The following NETO2 variants were observed in gnomAD, a reference collection of about 807,000 sequenced individuals.
NETO2 encodes neuropilin and tolloid like 2.
In NETO2, 28 loss-of-function variants were observed where a neutral mutation model predicts 62.5. The observed-to-expected ratio is 0.45, with a 90% CI of 0.33 to 0.61. NETO2 has a LOEUF of 0.61. NETO2 is among the 20% of genes least tolerant of loss of function. The pLI is 0.02. For missense variants in NETO2, 548 were observed against 643.2 expected (o/e 0.85, Z 1.60); for synonymous variants, 214 against 219.1 (o/e 0.98, Z 0.21).
At chr16:47,089,035 G>C (rs757482587) in intron 7 of NETO2, among the ~76,000 whole-genome samples, 31 of 152,198 alleles carry the variant, frequency 2.0e-4, no homozygotes, top group African/African-American at 9.7e-5. Context: ...CAGTACAACA[G>C]GTTAAAAATC....
intron 4 of NETO2, among the ~76,000 whole-genome samples, chr16:47,126,590 C>T (rs1964161823): frequency 1.3e-5 from 2 of 152,104 alleles, no homozygotes; most frequent in Admixed American, 1.3e-4. Context: ...ACAGAGCACA[C>T]CCTACTGCGA....
intron 1 of NETO2, among the ~76,000 whole-genome samples, chr16:47,142,969 G>A (rs1964491114): frequency 6.6e-6 from 1 of 151,768 alleles, no homozygotes; most frequent in Non-Finnish European, 1.5e-5. Flanking sequence ...CTCCCCGGGG[G>A]CCGGGACAAG....
chr16:47,091,219 A>T (rs540473429), intron 7 of NETO2, among the ~76,000 whole-genome samples: 1 of 152,332 alleles, frequency 6.6e-6, no homozygotes, highest in African/African-American at 2.4e-5. Flanking sequence ...TAATAAAGCT[A>T]AATTTGGGAT....
At chr16:47,117,633 C>T (rs1963949164) in intron 6 of NETO2, among the ~76,000 whole-genome samples, 1 of 152,142 alleles carries the variant, frequency 6.6e-6, no homozygotes, top group Non-Finnish European at 1.5e-5. Flanking sequence ...TCCTATTGAG[C>T]TCATACAGTG....
rs1963057473 is a variant in NETO2 at position 47,081,379 on chromosome 16, G to A, written c.*1842C>T. ...GTTCATTGAATATTATATGCATCAAGTCTTTTCATGTTTCCACGTTATATT... is the reference window on the plus strand; with the variant it reads ...GTTCATTGAATATTATATGCATCAAATCTTTTCATGTTTCCACGTTATATT... On this transcript the variant is annotated 3_prime_UTR_variant, in exon 9 of 9. Coordinates refer to ENST00000562435, the MANE Select transcript of NETO2 (RefSeq NM_018092.5). 1 of 152,026 alleles carries A rather than the reference G, an allele frequency of 6.6e-6. No individual in the cohort carries two copies. The highest frequency in any genetic ancestry group is 2.1e-4 in the South Asian group (1 of 4,836). 9.4% of individuals were successfully genotyped at this position (152,026 alleles called of 1,614,324 possible). A position where few individuals can be genotyped will look rare whatever the true frequency, so the allele number is the denominator to read the frequency against.
chr16:47,098,362 T>C lies in NETO2; in HGVS notation c.883+11121A>G, dbSNP rs560295500. Among the ~76,000 whole-genome samples the C allele has an allele frequency of 1.2e-4, 19 of 152,054 alleles. No individual in the cohort carries two copies. The South Asian group carries it at 1.7e-3, about 13-fold the overall frequency. On this transcript the variant is annotated intron_variant, in intron 7 of 8. Coordinates refer to ENST00000562435, the MANE Select transcript of NETO2 (RefSeq NM_018092.5). Reference sequence around the variant, plus strand: ...CCTGATGGAGCTGAAAAACACAGCATGAGAACTTCGTGAAGCATATGTAAG... The same window carrying C: ...CCTGATGGAGCTGAAAAACACAGCACGAGAACTTCGTGAAGCATATGTAAG...
At chr16:47,130,439 T>TATAA (rs1003338108) in intron 2 of NETO2, among the ~76,000 whole-genome samples, 15 of 150,614 alleles carry the variant, frequency 1.0e-4, no homozygotes, top group African/African-American at 1.2e-4. Flanking sequence ...AAATCTCTAA[T>TATAA]ATAAATAAAT....
intron 7 of NETO2, among the ~76,000 whole-genome samples, chr16:47,088,500 T>G (rs1056634319): frequency 2.0e-5 from 3 of 152,216 alleles, no homozygotes; most frequent in Admixed American, 2.0e-4. Context: ...CAGAAAATAT[T>G]TGCTGCACCA....
intron 6 of NETO2, among the ~76,000 whole-genome samples, chr16:47,112,799 T>C (rs537943648): frequency 5.9e-5 from 9 of 152,344 alleles, no homozygotes; most frequent in Admixed American, 5.9e-4. Flanking sequence ...CAGGTAACGC[T>C]CCTAAAAATT....
chr16:47,111,497 G>T (rs912022820), intron 6 of NETO2, among the ~76,000 whole-genome samples: 4 of 152,202 alleles, frequency 2.6e-5, no homozygotes, highest in African/African-American at 9.7e-5. Context: ...ACGTGAATCT[G>T]ACAAATTGCA....
intron 8 of NETO2, among the ~76,000 whole-genome samples, chr16:47,084,623 A>G (rs1206132805): frequency 6.6e-6 from 1 of 152,230 alleles, no homozygotes; most frequent in Non-Finnish European, 1.5e-5. Context: ...GAAGTCCAAT[A>G]GAGTAGTATT....
chr16:47,082,930 G>A lies in NETO2; in HGVS notation c.*291C>T, dbSNP rs955125339. The A allele has an allele frequency of 9.8e-6, 3 of 305,168 alleles. No individual in the cohort carries two copies. Among genetic ancestry groups the A allele is most frequent in the Admixed American group, 9.2e-5 (2 of 21,638 alleles). 18.9% of individuals were successfully genotyped at this position (305,168 alleles called of 1,614,324 possible). ...TAAAACGAAGAGGCAGCCTGAGCCTGGCTCCATCCAACCACCTCTTCTAAT... is the reference window on the plus strand; with the variant it reads ...TAAAACGAAGAGGCAGCCTGAGCCTAGCTCCATCCAACCACCTCTTCTAAT... On this transcript the variant is annotated 3_prime_UTR_variant, in exon 9 of 9. Transcript: ENST00000562435.
chr16:47,110,582 T>C (rs1490626510), intron 6 of NETO2, among the ~76,000 whole-genome samples: 1 of 152,200 alleles, frequency 6.6e-6, no homozygotes, highest in Non-Finnish European at 1.5e-5. Flanking sequence ...CATGAAGCGC[T>C]TTACATACTC....
At chr16:47,091,138 A>G (rs1416390761) in intron 7 of NETO2, among the ~76,000 whole-genome samples, 1 of 152,188 alleles carries the variant, frequency 6.6e-6, no homozygotes. Flanking sequence ...GTTTTTAAAA[A>G]ACTCTGTTAA....
chr16:47,094,086 T>C (rs1043988243), intron 7 of NETO2, among the ~76,000 whole-genome samples: 4 of 152,160 alleles, frequency 2.6e-5, no homozygotes, highest in Non-Finnish European at 4.4e-5. Context: ...GAGGAAACAG[T>C]TGGAAGAGGC....
At position 47,142,547 on chromosome 16, in the gene NETO2, A is replaced by G. The variant is rs185907891; in HGVS notation, c.34+1032T>C. ...CTGAGTTATACATAACACCGTTAAT[A>G]ATGCCTCAGCCGTACCCTCGAAATT... On this transcript the variant is annotated intron_variant, in intron 1 of 8. Transcript: ENST00000562435. 2.6e-3 allele frequency among the ~76,000 whole-genome samples: 402 copies of G among 152,336 alleles called. 2 individuals carry two copies. Among genetic ancestry groups the G allele is most frequent in the African/African-American group, 9.2e-3 (383 of 41,564 alleles).
intron 1 of NETO2, among the ~76,000 whole-genome samples, chr16:47,138,281 T>TC (rs1280391884): frequency 2.0e-5 from 3 of 152,144 alleles, no homozygotes; most frequent in Admixed American, 2.0e-4. Context: ...ACGCCTGTAG[T>TC]CCCAGCTACT....
chr16:47,110,537 G>T (rs1024028798), intron 6 of NETO2, among the ~76,000 whole-genome samples: 1 of 152,148 alleles, frequency 6.6e-6, no homozygotes, highest in Non-Finnish European at 1.5e-5. Flanking sequence ...TTAAACCCAG[G>T]TTGGTCTGAC....
In NETO2 at chr16:47,112,870, T is replaced by C. The variant is rs1208641144; in HGVS notation, c.655-3159A>G. Among the ~76,000 whole-genome samples, 3 of 149,104 alleles carry C rather than the reference T, an allele frequency of 2.0e-5. 1 individual carries two copies. The highest frequency in any genetic ancestry group is 2.0e-4 in the Admixed American group (3 of 15,178). ...AATGAAGAATGAGATCTAATAAATA[T>C]TGTTTAATTTCACTTAAAGCACACT... is the stretch of plus-strand genomic sequence containing the variant. On this transcript the variant is annotated intron_variant, in intron 6 of 8. Transcript: ENST00000562435.
Sources: allele counts gnomAD v4.1 joint callset (sites outside exome capture counted in the v4.1 genomes callset), GRCh38; gene constraint gnomAD v4.1.1; transcripts MANE v1.5; gene names NCBI Gene and HGNC (gene_info 2026-07-23, HGNC 2026-07-21).